Variants in CDK12 observed in about 807,000 individuals in gnomAD.
The protein encoded by CDK12 is cyclin-dependent kinase 12.
In CDK12, 17 loss-of-function variants were observed where a neutral mutation model predicts 133.8. The ratio of observed to expected loss-of-function variants is 0.13; its 90% CI spans 0.09 to 0.19. The LOEUF (loss-of-function observed/expected upper bound fraction) is 0.19. CDK12 is among the 10% of genes least tolerant of loss of function. The pLI is 1.00. For synonymous variants in CDK12, 694 were observed against 683.6 expected (o/e 1.02, Z -0.24); for missense variants, 1,508 against 1,818.7 (o/e 0.83, Z 3.11).
At chr17:39,490,467 C>T (rs1013850349) in intron 2 of CDK12, 90 bp from the exon 3 acceptor site, 6 of 830,688 alleles carry the variant, frequency 7.2e-6, no homozygotes, top group African/African-American at 6.9e-5. Context: ...TCTTTCTAAC[C>T]TTTTCGTAAC....
Position 39,511,581 on chromosome 17 carries a change from C to T in CDK12, c.2719C>T (p.Leu907=), listed in dbSNP as rs2146374358. 1.2e-6 allele frequency: 2 copies of T among 1,613,136 alleles called. No homozygotes were observed. The highest frequency in any genetic ancestry group is 8.5e-7 in the Non-Finnish European group (1 of 1,179,260). The change falls in exon 8 of 14, where the codon CTG becomes TTG. Residue 907 remains leucine (L), a synonymous_variant. Coordinates refer to ENST00000447079, the MANE Select transcript of CDK12 (RefSeq NM_016507.4). The part of the protein sequence containing the change: ...ITLWYRPPEL[L]LGEERYTPAI... Reference sequence around the variant, plus strand: ...TTTGTGGTACCGACCTCCAGAACTACTGCTAGGAGAGGAACGTTACACACC... The same window carrying T: ...TTTGTGGTACCGACCTCCAGAACTATTGCTAGGAGAGGAACGTTACACACC...
At chr17:39,503,845 G>C (rs547606381) in intron 6 of CDK12, among the ~76,000 whole-genome samples, 1 of 152,326 alleles carries the variant, frequency 6.6e-6, no homozygotes, top group South Asian at 2.1e-4. Flanking sequence ...TGGCAAGAGA[G>C]AGAGAAGAGC....
chr17:39,462,594 A>G lies in CDK12; in HGVS notation c.523A>G (p.Arg175Gly), dbSNP rs753625450. ...QVAKSSSKES[R>G]SSKLHKEKTR... Reference sequence around the variant, plus strand: ...AGCCAAAAGCAGCAGCAAGGAATCCAGGTCATCCAAGCTCCACAAGGAGAA... The same window carrying G: ...AGCCAAAAGCAGCAGCAAGGAATCCGGGTCATCCAAGCTCCACAAGGAGAA... The change falls in exon 1 of 14, where the codon AGG becomes GGG. Residue 175 changes from arginine (R) to glycine (G), a missense_variant. Physicochemically the swap from Arg to Gly is moderately radical, Grantham distance 125. Transcript: ENST00000447079. 8 of 1,614,058 alleles carry G rather than the reference A, an allele frequency of 5.0e-6. No individual in the cohort carries two copies. The Admixed American group carries it at 1.3e-4, about 27-fold the overall frequency.
At chr17:39,541,260 CATACCTGCTCT>C (rs772282867) in intron 1 of CDK12, among the ~76,000 whole-genome samples, 22 of 152,060 alleles carry the variant, frequency 1.4e-4, no homozygotes, top group Non-Finnish European at 2.5e-4. Context: ...CTTCCTGCCC[CATACCTGCTCT>C]CAGTCTCCCA....
Position 39,502,057 on chromosome 17 carries a change from C to A in CDK12, c.2609+618C>A, listed in dbSNP as rs554309321. Among the ~76,000 whole-genome samples, 136 of 151,762 alleles carry A rather than the reference C, an allele frequency of 9.0e-4. 2 individuals carry two copies. Among genetic ancestry groups the A allele is most frequent in the Admixed American group, 9.0e-3 (136 of 15,190 alleles). On this transcript the variant is annotated intron_variant, in intron 6 of 13. Coordinates refer to ENST00000447079, the MANE Select transcript of CDK12 (RefSeq NM_016507.4). ...ATGGGGTTTCACTATATTGGCCAGG[C>A]TGATCTTGAACTCCTGACCTCGTGA...
chr17:39,486,684 G>C (rs573128264), intron 2 of CDK12, among the ~76,000 whole-genome samples: 2 of 151,434 alleles, frequency 1.3e-5, no homozygotes, highest in African/African-American at 4.9e-5. Flanking sequence ...GTTTTTTTTC[G>C]CTGAACATCT....
At chr17:39,468,139 C>G (rs1395301182) in intron 1 of CDK12, among the ~76,000 whole-genome samples, 1 of 152,126 alleles carries the variant, frequency 6.6e-6, no homozygotes, top group African/African-American at 2.4e-5. Flanking sequence ...GGGTGATCCA[C>G]CCGCCTCAGC....
chr17:39,478,595 CT>C (rs1176872650), intron 2 of CDK12, among the ~76,000 whole-genome samples: 1 of 152,136 alleles, frequency 6.6e-6, no homozygotes, highest in African/African-American at 2.4e-5. Context: ...AATCCCAGCC[CT>C]TTGGGAGGCC....
At chr17:39,524,920 A>G (rs1401166557) in intron 12 of CDK12, 35 bp downstream of exon 12, 42 of 1,565,384 alleles carry the variant, frequency 2.7e-5, no homozygotes, top group Non-Finnish European at 3.7e-5. Context: ...TGCTTTTGCT[A>G]AGCGTATTTG....
Position 39,531,182 on chromosome 17 carries a change from A to C in CDK12, c.4339A>C (p.Thr1447Pro). ...LQNYGELGPG[T>P]TGASSSGAGL... Reference sequence around the variant, plus strand: ...AAACTATGGGGAGCTGGGGCCAGGAACCACTGGGGCCAGCAGCTCAGGAGC... The same window carrying C: ...AAACTATGGGGAGCTGGGGCCAGGACCCACTGGGGCCAGCAGCTCAGGAGC... Residue 1447 changes from threonine (T) to proline (P), a missense_variant, in exon 14 of 14, where the codon ACC becomes CCC. Transcript: ENST00000447079. 1 of 1,522,444 alleles carries C rather than the reference A, an allele frequency of 6.6e-7. No homozygotes were observed. The highest frequency in any genetic ancestry group is 8.8e-7 in the Non-Finnish European group (1 of 1,136,674). The allele number at this position is 1,522,444 out of a possible 1,614,324, so 94.3% of individuals were successfully genotyped here.
chr17:39,550,448 C>CT (rs921638343), intron 1 of CDK12: 4 of 152,314 alleles, frequency 2.6e-5, no homozygotes, highest in African/African-American at 9.7e-5. Flanking sequence ...TAAGGTGAGG[C>CT]TGTTTTCTTG....
chr17:39,553,782 G>C (rs2056047338), intron 2 of CDK12, among the ~76,000 whole-genome samples: 1 of 152,214 alleles, frequency 6.6e-6, no homozygotes. Context: ...CAAGCTCAAG[G>C]TTCTGGTGAC....
At chr17:39,501,217 T>G in intron 5 of CDK12, 33 bp from the exon 6 acceptor site, 1 of 1,431,272 alleles carries the variant, frequency 7.0e-7, no homozygotes, top group Non-Finnish European at 9.4e-7. Context: ...CTTTTTTTTT[T>G]CTTGCTTTTA....
intron 10 of CDK12, among the ~76,000 whole-genome samples, chr17:39,518,178 C>G (rs1186273954): frequency 2.6e-5 from 4 of 152,088 alleles, no homozygotes; most frequent in Non-Finnish European, 4.4e-5. Flanking sequence ...AGGGTTTCAG[C>G]ATGTTGGCCA....
chr17:39,545,276 C>T (rs1311186903), upstream of CDK12, among the ~76,000 whole-genome samples: 1 of 152,202 alleles, frequency 6.6e-6, no homozygotes, highest in Admixed American at 6.5e-5. Flanking sequence ...TCATAGCTCA[C>T]TGCAGCCTCA....
upstream of CDK12, chr17:39,546,875 G>A (rs2055733303): frequency 6.6e-6 from 1 of 152,200 alleles, no homozygotes; most frequent in African/African-American, 2.4e-5. Flanking sequence ...TGACTCGCCT[G>A]TATGTCTTCG....
At chr17:39,550,783 C>A (rs538603910) in intron 1 of CDK12, 1 of 152,140 alleles carries the variant, frequency 6.6e-6, no homozygotes, top group Non-Finnish European at 1.5e-5. Flanking sequence ...AATCCCAGCA[C>A]TTTGGGAGGC....
chr17:39,462,010 TG>T lies in CDK12; in HGVS notation c.-57del. The T allele has an allele frequency of 8.0e-6, 9 of 1,128,686 alleles. No individual in the cohort carries two copies. Among genetic ancestry groups the T allele is most frequent in the Non-Finnish European group, 1.1e-5 (9 of 852,688 alleles). 69.9% of individuals were successfully genotyped at this position (1,128,686 alleles called of 1,614,324 possible). ...GTGGAGTTGGGGTTGGGGGGGTGGG[TG>T]GGGGTTGCTTTTTGGAGTGCTGGGG... On this transcript the variant is annotated 5_prime_UTR_variant, in exon 1 of 14. Coordinates refer to ENST00000447079, the MANE Select transcript of CDK12 (RefSeq NM_016507.4).
intron 3 of CDK12, among the ~76,000 whole-genome samples, chr17:39,560,356 T>A (rs2056330831): frequency 6.6e-6 from 1 of 152,256 alleles, no homozygotes; most frequent in African/African-American, 2.4e-5. Context: ...TTTGTACTCA[T>A]TAGCAATGAA....
Sources: allele counts gnomAD v4.1 joint callset (sites outside exome capture counted in the v4.1 genomes callset), GRCh38; gene constraint gnomAD v4.1.1; transcripts MANE v1.5; gene names NCBI Gene and HGNC (gene_info 2026-07-23, HGNC 2026-07-21).